The following PPP2R2A variants were observed in gnomAD, a reference collection of about 807,000 sequenced individuals.
The protein encoded by PPP2R2A is protein phosphatase 2 regulatory subunit Balpha, also known as serine/threonine-protein phosphatase 2A 55 kDa regulatory subunit B alpha isoform.
PPP2R2A carries 9 observed loss-of-function variants against 53.2 expected under a neutral mutation model. That is an observed-to-expected ratio of 0.17 (90% CI 0.10 to 0.30). The LOEUF is 0.30. Ranked by LOEUF, PPP2R2A falls within the 10% of genes least tolerant of loss-of-function variation. PPP2R2A has a pLI of 1.00. For missense variants in PPP2R2A, 235 were observed against 534.6 expected (o/e 0.44, Z 5.53); for synonymous variants, 169 against 174.2 (o/e 0.97, Z 0.23).
At chr8:26,295,426 G>A (rs1377536882) in intron 2 of PPP2R2A, among the ~76,000 whole-genome samples, 1 of 152,104 alleles carries the variant, frequency 6.6e-6, no homozygotes, top group East Asian at 1.9e-4. Flanking sequence ...ATGTCAATAG[G>A]TTCTGTGACT....
chr8:26,332,217 G>T (rs1028957920), intron 2 of PPP2R2A, among the ~76,000 whole-genome samples: 1 of 151,956 alleles, frequency 6.6e-6, no homozygotes, highest in African/African-American at 2.4e-5. Context: ...AAAATTAGCT[G>T]GGTGTAGTGG....
chr8:26,324,250 C>T (rs1029856446), intron 2 of PPP2R2A, among the ~76,000 whole-genome samples: 3 of 152,206 alleles, frequency 2.0e-5, no homozygotes, highest in Non-Finnish European at 4.4e-5. Flanking sequence ...ATAGTATTCC[C>T]CACTCCATGA....
intron 2 of PPP2R2A, among the ~76,000 whole-genome samples, chr8:26,294,028 C>T (rs138123281): frequency 3.3e-5 from 5 of 152,226 alleles, no homozygotes; most frequent in African/African-American, 9.6e-5. Flanking sequence ...ATAAGGGTTT[C>T]TTTGTTATGT....
intron 2 of PPP2R2A, 139 bp downstream of exon 2, chr8:26,293,879 G>T (rs1470876171): frequency 2.7e-6 from 2 of 744,966 alleles, no homozygotes; most frequent in Non-Finnish European, 4.3e-6. Flanking sequence ...AGTTTTAAAA[G>T]ATACCTTTCT....
intron 2 of PPP2R2A, among the ~76,000 whole-genome samples, chr8:26,332,010 C>A (rs1407611088): frequency 6.6e-6 from 1 of 152,138 alleles, no homozygotes; most frequent in Non-Finnish European, 1.5e-5. Context: ...ATGGATCCTA[C>A]ATCAGCTGTT....
intron 2 of PPP2R2A, among the ~76,000 whole-genome samples, chr8:26,330,531 C>T (rs539165415): frequency 2.0e-5 from 3 of 152,000 alleles, no homozygotes; most frequent in South Asian, 4.2e-4. Flanking sequence ...GGGTTTCATA[C>T]GTTGGCCAGA....
chr8:26,346,714 A>G (rs1804236325), intron 3 of PPP2R2A, among the ~76,000 whole-genome samples: 1 of 152,204 alleles, frequency 6.6e-6, no homozygotes, highest in Non-Finnish European at 1.5e-5. Flanking sequence ...TTGTTGTTGC[A>G]TATTTCTTAG....
intron 2 of PPP2R2A, among the ~76,000 whole-genome samples, chr8:26,301,415 C>T (rs1243944572): frequency 1.3e-5 from 2 of 151,236 alleles, no homozygotes; most frequent in African/African-American, 2.4e-5. Context: ...TCACTGCAGC[C>T]TCAACCTCCC....
intron 2 of PPP2R2A, among the ~76,000 whole-genome samples, chr8:26,311,847 C>G (rs1357107644): frequency 6.6e-6 from 1 of 151,876 alleles, no homozygotes. Context: ...TGGGGTGCAC[C>G]TAGAACATGC....
chr8:26,351,802 C>T (rs142688175), intron 3 of PPP2R2A, among the ~76,000 whole-genome samples: 13 of 152,288 alleles, frequency 8.5e-5, no homozygotes, highest in Admixed American at 4.6e-4. Flanking sequence ...AGTACACAGT[C>T]TTTATGACTT....
intron 3 of PPP2R2A, among the ~76,000 whole-genome samples, chr8:26,348,526 G>A (rs2043435): frequency 0.64 from 96,790 of 152,028 alleles, 31,228 homozygotes; most frequent in East Asian, 0.85. Context: ...ACTGAATTTT[G>A]TATTTAGACT....
intron 9 of PPP2R2A, among the ~76,000 whole-genome samples, 163 bp downstream of exon 9, chr8:26,366,569 C>T (rs1306718948): frequency 1.3e-5 from 2 of 152,112 alleles, no homozygotes; most frequent in African/African-American, 4.8e-5. Context: ...CATTGTATTT[C>T]ACTAGTAAAT....
intron 2 of PPP2R2A, among the ~76,000 whole-genome samples, chr8:26,335,400 G>A (rs1415422861): frequency 3.3e-5 from 5 of 152,144 alleles, no homozygotes; most frequent in Non-Finnish European, 7.4e-5. Flanking sequence ...ACACCATGAC[G>A]TAGTGATATA....
At chr8:26,345,690 G>A (rs1200588730) in intron 3 of PPP2R2A, among the ~76,000 whole-genome samples, 1 of 152,086 alleles carries the variant, frequency 6.6e-6, no homozygotes, top group African/African-American at 2.4e-5. Context: ...GGAGGTGAGC[G>A]ACTGCCCCTT....
At chr8:26,329,342 C>T (rs1803252355) in intron 2 of PPP2R2A, among the ~76,000 whole-genome samples, 1 of 151,900 alleles carries the variant, frequency 6.6e-6, no homozygotes, top group African/African-American at 2.4e-5. Flanking sequence ...ATCCCTTCTC[C>T]CTCCCAGCTC....
chr8:26,352,506 T>C (rs1020669267), intron 3 of PPP2R2A, among the ~76,000 whole-genome samples: 2 of 152,346 alleles, frequency 1.3e-5, no homozygotes, highest in Non-Finnish European at 1.5e-5. Flanking sequence ...AGTTCTGTTA[T>C]GATCACTTTA....
Position 26,291,520 on chromosome 8 carries a change from G to A in PPP2R2A, c.-300G>A. On this transcript the variant is annotated 5_prime_UTR_variant, in exon 1 of 10. Transcript: ENST00000380737. ...GACGTCACTGGCCAGGCCAGCCGGC[G>A]CCATTTTGAAAGTGGAGTCGCCTGC... is the stretch of plus-strand genomic sequence containing the variant. 2 of 386,978 alleles carry A rather than the reference G, an allele frequency of 5.2e-6. No individual in the cohort carries two copies. The highest frequency in any genetic ancestry group is 5.3e-5 in the South Asian group (2 of 37,670). The allele number at this position is 386,978 out of a possible 1,614,324, so 24.0% of individuals were successfully genotyped here. A position where few individuals can be genotyped will look rare whatever the true frequency, so the allele number is the denominator to read the frequency against.
Position 26,360,133 on chromosome 8 carries a change from C to A in PPP2R2A, c.347-36C>A. ...AATGCCTTAAAATGTTTTTCTTCTTCAGTATTTTAAGGACTTTTCTTTATT... is the reference window on the plus strand; with the variant it reads ...AATGCCTTAAAATGTTTTTCTTCTTAAGTATTTTAAGGACTTTTCTTTATT... On this transcript the variant is annotated intron_variant, in intron 4 of 9. Coordinates refer to ENST00000380737, the MANE Select transcript of PPP2R2A (RefSeq NM_002717.4). This position sits in a 1 kb window ranked among gnomAD's most constrained non-coding sequence, Gnocchi z 4.5. 2 of 1,143,424 alleles carry A rather than the reference C, an allele frequency of 1.7e-6. No individual in the cohort carries two copies. Among genetic ancestry groups the A allele is most frequent in the South Asian group, 1.4e-5 (1 of 71,802 alleles). 70.8% of individuals were successfully genotyped at this position (1,143,424 alleles called of 1,614,324 possible).
At position 26,354,723 on chromosome 8, in the gene PPP2R2A, T is replaced by TA. The variant is rs776376420; in HGVS notation, c.346+91dup. 445 of 1,206,228 alleles carry TA rather than the reference T, an allele frequency of 3.7e-4. 1 individual carries two copies. Among genetic ancestry groups the TA allele is most frequent in the Non-Finnish European group, 4.7e-4 (432 of 922,360 alleles). 74.7% of individuals were successfully genotyped at this position (1,206,228 alleles called of 1,614,324 possible). A position where few individuals can be genotyped will look rare whatever the true frequency, so the allele number is the denominator to read the frequency against. On this transcript the variant is annotated intron_variant, in intron 4 of 9. Transcript: ENST00000380737. The surrounding 1 kb of genome is among the most constrained non-coding windows in gnomAD (Gnocchi z 4.6). ...TAGGAGAGGAATCATTTAACAGAGA[T>TA]ACTTGTAAAAAGGACTTTTGTTTTT...
Sources: gnomAD v4.1 joint callset for allele counts (sites outside exome capture counted in the v4.1 genomes callset) on GRCh38, gnomAD v4.1.1 for gene constraint, Gnocchi (gnomAD v3.1) non-coding constraint, MANE v1.5 for transcripts, NCBI Gene and HGNC (gene_info 2026-07-23, HGNC 2026-07-21) for gene names.